METAP1: variants seen among roughly 807,000 people sequenced by gnomAD.
METAP1 encodes the protein methionine aminopeptidase 1.
METAP1 carries 28 observed loss-of-function variants against 53.8 expected under a neutral mutation model. That is an observed-to-expected ratio of 0.52 (90% CI 0.39 to 0.71). The LOEUF (loss-of-function observed/expected upper bound fraction) is 0.71, where lower values mean the gene tolerates loss of function less well. Among genes scored for constraint, METAP1 ranks in the 30% least tolerant of loss-of-function variants. METAP1 has a pLI of 0.00. For missense variants in METAP1, 389 were observed against 479.8 expected (o/e 0.81, Z 1.77); for synonymous variants, 181 against 165.7 (o/e 1.09, Z -0.71).
intron 8 of METAP1, among the ~76,000 whole-genome samples, chr4:99,048,191 T>G (rs1181481484): frequency 6.6e-6 from 1 of 152,156 alleles, no homozygotes; most frequent in African/African-American, 2.4e-5. Flanking sequence ...TTCCAACCCT[T>G]TAGTGCTGCT....
chr4:99,047,002 G>A (rs1364392738), intron 8 of METAP1, among the ~76,000 whole-genome samples: 4 of 149,630 alleles, frequency 2.7e-5, no homozygotes, highest in Non-Finnish European at 4.4e-5. Context: ...TTTATATGAC[G>A]TATGACTGGA....
At chr4:99,036,679 G>GTT (rs1331368028) in intron 4 of METAP1, among the ~76,000 whole-genome samples, 1 of 152,028 alleles carries the variant, frequency 6.6e-6, no homozygotes, top group Non-Finnish European at 1.5e-5. Flanking sequence ...GTGAATGAAG[G>GTT]TTATGTGGAT....
At chr4:99,011,952 C>G (rs1466973975) in intron 1 of METAP1, among the ~76,000 whole-genome samples, 2 of 152,184 alleles carry the variant, frequency 1.3e-5, no homozygotes, top group Non-Finnish European at 2.9e-5. Flanking sequence ...AAAAACAAAA[C>G]AAAACAAAAC....
Position 99,038,312 on chromosome 4 carries a change from CAGTGTTAAATAAT to C in METAP1, c.341-1057_341-1045del, listed in dbSNP as rs760593697. Among the ~76,000 whole-genome samples, 16 of 151,868 alleles carry C rather than the reference CAGTGTTAAATAAT, an allele frequency of 1.1e-4. No homozygotes were observed. The South Asian group carries it at 1.5e-3, about 14-fold the overall frequency. On this transcript the variant is annotated intron_variant, in intron 4 of 10. Transcript: ENST00000296411. Reference sequence around the variant, plus strand: ...ATTGCATCTGCTAGTATTGCCAGGACAGTGTTAAATAATAGTGCCGATAGTGGGCATTCTGTAA... The same window carrying C: ...ATTGCATCTGCTAGTATTGCCAGGACAGTGCCGATAGTGGGCATTCTGTAA...
At chr4:99,011,988 C>G (rs1305918095) in intron 1 of METAP1, among the ~76,000 whole-genome samples, 3 of 152,102 alleles carry the variant, frequency 2.0e-5, no homozygotes, top group African/African-American at 4.8e-5. Flanking sequence ...TGGAAGTTTT[C>G]TCTCCTCCTT....
intron 1 of METAP1, among the ~76,000 whole-genome samples, chr4:98,997,644 T>TGAA (rs1440201840): frequency 6.6e-6 from 1 of 152,144 alleles, no homozygotes; most frequent in South Asian, 2.1e-4. Context: ...ACCACATTCA[T>TGAA]GAAACAGGTA....
At chr4:99,023,219 A>G in intron 1 of METAP1, 1 of 475,436 alleles carries the variant, frequency 2.1e-6, no homozygotes, top group Non-Finnish European at 3.5e-6. Context: ...AATTTAACCT[A>G]TTTTATATTG....
chr4:99,045,441 G>C, intron 8 of METAP1, 131 bp downstream of exon 8: 1 of 958,082 alleles, frequency 1.0e-6, no homozygotes. Flanking sequence ...AGCTTTGGTT[G>C]TTAGCAGTAA....
At chr4:99,047,055 A>G (rs1422319722) in intron 8 of METAP1, among the ~76,000 whole-genome samples, 1 of 152,134 alleles carries the variant, frequency 6.6e-6, no homozygotes, top group Non-Finnish European at 1.5e-5. Flanking sequence ...AAGGAACGAA[A>G]GTGGCTTGAT....
intron 1 of METAP1, among the ~76,000 whole-genome samples, chr4:99,008,846 A>G (rs1370220021): frequency 1.3e-5 from 2 of 152,352 alleles, no homozygotes; most frequent in African/African-American, 4.8e-5. Context: ...ACACCTATAC[A>G]GTTTTGTAAT....
At chr4:99,005,676 T>C (rs1441672983) in intron 1 of METAP1, 3 of 293,530 alleles carry the variant, frequency 1.0e-5, no homozygotes. Context: ...AACCTAAGTG[T>C]CAGCTGATGA....
At position 99,035,471 on chromosome 4, in the gene METAP1, C is replaced by A; in HGVS notation, c.340+11C>A. On this transcript the variant is annotated intron_variant, in intron 4 of 10. Transcript: ENST00000296411. The stretch of plus-strand genomic sequence containing the variant: ...CTGATCATCCCTTAGGTAAGCTCTG[C>A]TATGTTGATTCTTCATTTTTCAATT... 6.5e-7 allele frequency: 1 copy of A among 1,530,608 alleles called. No homozygotes were observed. The highest frequency in any genetic ancestry group is 8.9e-7 in the Non-Finnish European group (1 of 1,128,698). The allele number at this position is 1,530,608 out of a possible 1,614,324, so 94.8% of individuals were successfully genotyped here.
chr4:99,009,919 G>C (rs1314933531), intron 1 of METAP1, among the ~76,000 whole-genome samples: 1 of 152,062 alleles, frequency 6.6e-6, no homozygotes, highest in Non-Finnish European at 1.5e-5. Flanking sequence ...CTGTGCTTTT[G>C]GTGTTATCTC....
At chr4:99,005,814 T>A (rs2123782) in intron 1 of METAP1, 1 of 417,000 alleles carries the variant, frequency 2.4e-6, no homozygotes, top group Non-Finnish European at 4.8e-6. Flanking sequence ...GAAGTAACTC[T>A]GGAATGGAAA....
chr4:99,008,795 T>C (rs1389754683), intron 1 of METAP1, among the ~76,000 whole-genome samples: 1 of 152,236 alleles, frequency 6.6e-6, no homozygotes, highest in Admixed American at 6.5e-5. Flanking sequence ...TGCTGTTTTT[T>C]ATCTTTCAAA....
At chr4:99,031,229 C>T (rs1725000658) in intron 2 of METAP1, among the ~76,000 whole-genome samples, 1 of 150,548 alleles carries the variant, frequency 6.6e-6, no homozygotes, top group African/African-American at 2.4e-5. Flanking sequence ...TCTTCTGTCA[C>T]AGTGTACCTT....
intron 1 of METAP1, among the ~76,000 whole-genome samples, chr4:99,000,510 A>C (rs1051641975): frequency 4.6e-5 from 7 of 152,164 alleles, no homozygotes; most frequent in Non-Finnish European, 1.0e-4. Context: ...CCTCATATGT[A>C]ATGTTATTAA....
chr4:99,029,456 G>A (rs1724831551), intron 2 of METAP1, among the ~76,000 whole-genome samples: 1 of 152,118 alleles, frequency 6.6e-6, no homozygotes, highest in South Asian at 2.1e-4. Context: ...ATTACTGTCA[G>A]CCACACTGAT....
chr4:99,014,011 T>C (rs921573455), intron 1 of METAP1, among the ~76,000 whole-genome samples: 4 of 152,210 alleles, frequency 2.6e-5, no homozygotes, highest in African/African-American at 9.7e-5. Flanking sequence ...AAAGCAACCT[T>C]TCCGAATAGG....
Sources: allele counts gnomAD v4.1 joint callset (sites outside exome capture counted in the v4.1 genomes callset), GRCh38; gene constraint gnomAD v4.1.1; transcripts MANE v1.5; gene names NCBI Gene and HGNC (gene_info 2026-07-23, HGNC 2026-07-21).